The following GABPA variants were observed in gnomAD, a reference collection of about 807,000 sequenced individuals.
GABPA encodes GA-binding protein alpha chain.
GABPA carries 4 observed loss-of-function variants against 59.4 expected under a neutral mutation model. That is an observed-to-expected ratio of 0.07 (90% CI 0.03 to 0.15). The LOEUF (loss-of-function observed/expected upper bound fraction) is 0.15, where lower values mean the gene tolerates loss of function less well. Ranked by LOEUF, GABPA falls within the 10% of genes least tolerant of loss-of-function variation. The pLI is 1.00. For missense variants in GABPA, 251 were observed against 543.8 expected (o/e 0.46, Z 5.36); for synonymous variants, 164 against 183.1 (o/e 0.90, Z 0.84).
At chr21:25,741,530 T>C in intron 1 of GABPA, 43 bp from the exon 2 acceptor site, 1 of 1,083,660 alleles carries the variant, frequency 9.2e-7, no homozygotes, top group Non-Finnish European at 1.4e-6. Context: ...TCATTTCGTT[T>C]ATGTGGATAG....
rs1469939595 is a variant in GABPA, at chr21:25,764,705, C to G, written c.1054C>G (p.Gln352Glu). 1 of 1,612,284 alleles carries G rather than the reference C, an allele frequency of 6.2e-7. No individual in the cohort carries two copies. The highest frequency in any genetic ancestry group is 8.5e-7 in the Non-Finnish European group (1 of 1,179,078). Residue 352 changes from glutamine (Q) to glutamate (E), a missense_variant, in exon 9 of 10, where the codon CAG becomes GAG. Transcript: ENST00000400075. ...TGATGAAGGTGAATTTAAGCTAAAT[C>G]AGCCTGAACTGGTTGCACAGAAATG... is the stretch of plus-strand genomic sequence containing the variant. The part of the protein sequence containing the change: ...VGDEGEFKLN[Q>E]PELVAQKWGQ...
In GABPA at chr21:25,752,390, C is replaced by T. The variant is rs562269692; in HGVS notation, c.553+156C>T. On this transcript the variant is annotated intron_variant, in intron 5 of 9. Transcript: ENST00000400075. ...CTTTTAATTGTAACGCACATTTAAG[C>T]TCATGTGGTGGACAAATTCTGTCCT... 17 of 835,412 alleles carry T rather than the reference C, an allele frequency of 2.0e-5. No homozygotes were observed. In the African/African-American group the frequency reaches 2.6e-4, roughly 13 times the overall value. 51.7% of individuals were successfully genotyped at this position (835,412 alleles called of 1,614,324 possible). A position where few individuals can be genotyped will look rare whatever the true frequency, so the allele number is the denominator to read the frequency against.
At chr21:25,763,509 A>G (rs565069277) in intron 7 of GABPA, among the ~76,000 whole-genome samples, 1 of 152,298 alleles carries the variant, frequency 6.6e-6, no homozygotes, top group South Asian at 2.1e-4. Context: ...CTCTCCTACC[A>G]GAGAACTATC....
chr21:25,765,468 C>T (rs2146101348), intron 9 of GABPA, among the ~76,000 whole-genome samples: 1 of 151,742 alleles, frequency 6.6e-6, no homozygotes, highest in African/African-American at 2.4e-5. Flanking sequence ...TAATTTAGCT[C>T]ACACACACAC....
chr21:25,772,401 AAT>A lies in GABPA; in HGVS notation c.*3172_*3173del, dbSNP rs2036026033. On this transcript the variant is annotated 3_prime_UTR_variant, in exon 10 of 10. Transcript: ENST00000400075. ...GTTATTTTCTATTTTTACGCAGATA[AAT>A]ATTTGTGCATAAAATGTAAAAATAG... 6.6e-6 allele frequency: 1 copy of A among 152,120 alleles called. No homozygotes were observed. Among genetic ancestry groups the A allele is most frequent in the South Asian group, 2.1e-4 (1 of 4,832 alleles). 9.4% of individuals were successfully genotyped at this position (152,120 alleles called of 1,614,324 possible).
chr21:25,749,824 T>A (rs1297782011), intron 4 of GABPA, among the ~76,000 whole-genome samples: 5 of 152,168 alleles, frequency 3.3e-5, no homozygotes, highest in African/African-American at 1.2e-4. Flanking sequence ...AGAGGAAAAC[T>A]CTGTCTCAAT....
rs536287254 is a variant in GABPA, at chr21:25,771,043, G to A, written c.*1811G>A. On this transcript the variant is annotated 3_prime_UTR_variant, in exon 10 of 10. Transcript: ENST00000400075. ...TGAAATAATAAACAGAAGCTCTAAC[G>A]TCAGGTAACAAATAGACAGCAAGAA... 5 of 152,054 alleles carry A rather than the reference G, an allele frequency of 3.3e-5. No individual in the cohort carries two copies. The highest frequency in any genetic ancestry group is 7.2e-5 in the African/African-American group (3 of 41,520). The allele number at this position is 152,054 out of a possible 1,614,324, so 9.4% of individuals were successfully genotyped here. A position where few individuals can be genotyped will look rare whatever the true frequency, so the allele number is the denominator to read the frequency against.
chr21:25,748,473 G>GA (rs1163361018), intron 3 of GABPA, among the ~76,000 whole-genome samples: 2 of 151,982 alleles, frequency 1.3e-5, no homozygotes, highest in African/African-American at 4.8e-5. Context: ...ATATATGAAG[G>GA]AAAAAACACT....
At chr21:25,740,980 A>G (rs1164918177) in intron 1 of GABPA, among the ~76,000 whole-genome samples, 4 of 152,246 alleles carry the variant, frequency 2.6e-5, no homozygotes, top group African/African-American at 9.6e-5. Flanking sequence ...TAATATAGTT[A>G]ACAGACCCTT....
At chr21:25,736,798 C>G (rs2035079717) in intron 1 of GABPA, among the ~76,000 whole-genome samples, 1 of 152,162 alleles carries the variant, frequency 6.6e-6, no homozygotes, top group Non-Finnish European at 1.5e-5. Context: ...ACTGTATGTG[C>G]TTTCTCTTTT....
At position 25,764,755 on chromosome 21, in the gene GABPA, G is replaced by A. The variant is rs143054530; in HGVS notation, c.1104G>A (p.Thr368=). Reference sequence around the variant, plus strand: ...GGGGACAGCGTAAAAATAAGCCTACGATGAACTATGAGAAACTCAGTCGTG... The same window carrying A: ...GGGGACAGCGTAAAAATAAGCCTACAATGAACTATGAGAAACTCAGTCGTG... ...QKWGQRKNKP[T]MNYEKLSRAL... Residue 368 remains threonine (T), a synonymous_variant, in exon 9 of 10, where the codon ACG becomes ACA. Transcript: ENST00000400075. 38 of 1,602,516 alleles carry A rather than the reference G, an allele frequency of 2.4e-5. No individual in the cohort carries two copies. The African/African-American group carries it at 4.6e-4, about 19-fold the overall frequency.
chr21:25,743,302 A>G (rs757251178), intron 2 of GABPA, among the ~76,000 whole-genome samples: 1 of 152,218 alleles, frequency 6.6e-6, no homozygotes, highest in Non-Finnish European at 1.5e-5. Context: ...CTGGTCACAC[A>G]GTCCAACCCT....
intron 1 of GABPA, among the ~76,000 whole-genome samples, chr21:25,738,415 C>T (rs1335440818): frequency 6.6e-6 from 1 of 152,174 alleles, no homozygotes; most frequent in South Asian, 2.1e-4. Flanking sequence ...AATTCCAGGC[C>T]ATTGTCTATT....
intron 9 of GABPA, among the ~76,000 whole-genome samples, chr21:25,766,229 G>A (rs768038731): frequency 1.1e-4 from 16 of 151,928 alleles, no homozygotes; most frequent in Non-Finnish European, 1.9e-4. Flanking sequence ...CATCTCTGGG[G>A]AAAAGTAAAA....
At chr21:25,737,090 T>A (rs2035091271) in intron 1 of GABPA, among the ~76,000 whole-genome samples, 1 of 152,216 alleles carries the variant, frequency 6.6e-6, no homozygotes, top group South Asian at 2.1e-4. Context: ...ACACTAGCCG[T>A]TCCCAGAATT....
At chr21:25,767,177 G>A (rs1490196613) in intron 9 of GABPA, among the ~76,000 whole-genome samples, 1 of 151,928 alleles carries the variant, frequency 6.6e-6, no homozygotes, top group Non-Finnish European at 1.5e-5. Context: ...TTTAGAGCCA[G>A]GATTTGGGGA....
At chr21:25,749,822 ACT>A (rs2035461713) in intron 4 of GABPA, among the ~76,000 whole-genome samples, 2 of 152,052 alleles carry the variant, frequency 1.3e-5, no homozygotes, top group South Asian at 2.1e-4. Context: ...CAAGAGGAAA[ACT>A]CTGTCTCAAT....
intron 5 of GABPA, among the ~76,000 whole-genome samples, chr21:25,753,970 T>A (rs2035574375): frequency 6.6e-6 from 1 of 152,112 alleles, no homozygotes; most frequent in Non-Finnish European, 1.5e-5. Context: ...ATGAGAGAGC[T>A]TACCCATGGA....
Position 25,770,453 on chromosome 21 carries a change from C to T in GABPA, c.*1221C>T, listed in dbSNP as rs1020283743. ...GCATATATGACATTCCTTACATAAGCGAACACTAAACAAAAATGGCTAGAA... is the reference window on the plus strand; with the variant it reads ...GCATATATGACATTCCTTACATAAGTGAACACTAAACAAAAATGGCTAGAA... On this transcript the variant is annotated 3_prime_UTR_variant, in exon 10 of 10. Coordinates refer to ENST00000400075, the MANE Select transcript of GABPA (RefSeq NM_002040.4). 15 of 152,152 alleles carry T rather than the reference C, an allele frequency of 9.9e-5. No homozygotes were observed. The highest frequency in any genetic ancestry group is 2.6e-4 in the African/African-American group (11 of 41,548). The allele number at this position is 152,152 out of a possible 1,614,324, so 9.4% of individuals were successfully genotyped here.
Sources: allele counts gnomAD v4.1 joint callset (sites outside exome capture counted in the v4.1 genomes callset), GRCh38; gene constraint gnomAD v4.1.1; transcripts MANE v1.5; gene names NCBI Gene and HGNC (gene_info 2026-07-23, HGNC 2026-07-21).